ANKRD10: variants seen among roughly 807,000 people sequenced by gnomAD.
ANKRD10 encodes the protein ankyrin repeat domain-containing protein 10.
A neutral mutation model predicts 27.0 loss-of-function variants in ANKRD10; 14 were observed. That is an observed-to-expected ratio of 0.52 (90% CI 0.34 to 0.81). The LOEUF (loss-of-function observed/expected upper bound fraction) is 0.81, where lower values mean the gene tolerates loss of function less well. ANKRD10 is among the 40% of genes least tolerant of loss of function. The probability of loss-of-function intolerance (pLI) is 0.01; values close to 1 mark genes in which losing one functional copy is unlikely to be tolerated. For synonymous variants in ANKRD10, 250 were observed against 224.5 expected (o/e 1.11, Z -1.01); for missense variants, 493 against 544.0 (o/e 0.91, Z 0.93).
At chr13:110,895,795 A>T (rs2065210867) in intron 3 of ANKRD10, among the ~76,000 whole-genome samples, 1 of 152,126 alleles carries the variant, frequency 6.6e-6, no homozygotes, top group Non-Finnish European at 1.5e-5. Context: ...ATAATCAACA[A>T]AATAGTGCCA....
At chr13:110,908,720 G>A (rs892716672) in intron 2 of ANKRD10, among the ~76,000 whole-genome samples, 3 of 152,276 alleles carry the variant, frequency 2.0e-5, no homozygotes, top group Non-Finnish European at 4.4e-5. Flanking sequence ...GAGTCACTGG[G>A]TGCCCATAAC....
At chr13:110,909,408 T>C (rs2065630019) in intron 2 of ANKRD10, among the ~76,000 whole-genome samples, 1 of 152,058 alleles carries the variant, frequency 6.6e-6, no homozygotes, top group Admixed American at 6.5e-5. Context: ...ATAAGGGTAT[T>C]GAGTAGGTAA....
intron 4 of ANKRD10, among the ~76,000 whole-genome samples, chr13:110,889,518 A>C (rs1256957703): frequency 6.6e-6 from 1 of 152,208 alleles, no homozygotes; most frequent in African/African-American, 2.4e-5. Context: ...CTTCCTTCCA[A>C]GACAGTTAAT....
intron 3 of ANKRD10, among the ~76,000 whole-genome samples, chr13:110,896,616 CT>C (rs1346184259): frequency 3.9e-5 from 6 of 152,164 alleles, no homozygotes; most frequent in African/African-American, 1.4e-4. Flanking sequence ...CCAGAAGGCA[CT>C]TTTCTAAAAA....
chr13:110,889,622 T>C (rs2065023591), intron 4 of ANKRD10, among the ~76,000 whole-genome samples: 1 of 152,234 alleles, frequency 6.6e-6, no homozygotes, highest in African/African-American at 2.4e-5. Context: ...TTTAAAATAC[T>C]TGAAAGTAGT....
At chr13:110,910,383 T>C (rs553640060) in intron 2 of ANKRD10, among the ~76,000 whole-genome samples, 12 of 152,292 alleles carry the variant, frequency 7.9e-5, no homozygotes, top group Non-Finnish European at 1.5e-5. Context: ...CTTGGGCACA[T>C]CACCCTGGAT....
chr13:110,896,032 G>A (rs114950207), intron 3 of ANKRD10, among the ~76,000 whole-genome samples: 3,255 of 152,260 alleles, frequency 0.021, 125 homozygotes, highest in African/African-American at 0.075. Flanking sequence ...CTATGTACTC[G>A]TACGTAAGGA....
At chr13:110,884,302 CA>C (rs1425360872) in intron 4 of ANKRD10, among the ~76,000 whole-genome samples, 1 of 152,170 alleles carries the variant, frequency 6.6e-6, no homozygotes, top group Non-Finnish European at 1.5e-5. Context: ...CACCAAAATA[CA>C]GTAAAATAAT....
At chr13:110,907,595 A>G (rs139475420) in intron 2 of ANKRD10, among the ~76,000 whole-genome samples, 16 of 152,338 alleles carry the variant, frequency 1.1e-4, no homozygotes, top group Non-Finnish European at 2.2e-4. Flanking sequence ...AAGTGTGCAC[A>G]TTTATTTAAA....
In ANKRD10 at chr13:110,909,446, A is replaced by C. The variant is rs2065631403; in HGVS notation, c.363+1172T>G. On this transcript the variant is annotated intron_variant, in intron 2 of 5. Transcript: ENST00000267339. Reference sequence around the variant, plus strand: ...CATAACTCTCGAATTTATGAAGACAAGCAACAGAGCAGCAGAGAAATATAC... The same window carrying C: ...CATAACTCTCGAATTTATGAAGACACGCAACAGAGCAGCAGAGAAATATAC... Among the ~76,000 whole-genome samples the C allele has an allele frequency of 2.0e-5, 3 of 152,210 alleles. No homozygotes were observed. In the South Asian group the frequency reaches 6.2e-4, roughly 32 times the overall value.
Position 110,879,249 on chromosome 13 carries a change from AATG to A in ANKRD10, c.*385_*387del, listed in dbSNP as rs1234396175. ...AAAAGAGTGGAAGCAAGCTTTTTAA[AATG>A]ATGCCCATGTGCAAAGAGATAAATT... On this transcript the variant is annotated 3_prime_UTR_variant, in exon 6 of 6. Coordinates refer to ENST00000267339, the MANE Select transcript of ANKRD10 (RefSeq NM_017664.4). 4.9e-6 allele frequency: 1 copy of A among 203,078 alleles called. No individual in the cohort carries two copies. Among genetic ancestry groups the A allele is most frequent in the Non-Finnish European group, 1.0e-5 (1 of 97,794 alleles). 12.6% of individuals were successfully genotyped at this position (203,078 alleles called of 1,614,324 possible).
At chr13:110,905,301 A>G (rs998979331) in intron 3 of ANKRD10, 21 of 152,324 alleles carry the variant, frequency 1.4e-4, no homozygotes, top group African/African-American at 5.1e-4. Context: ...TGTAACAACT[A>G]AAATAAATGT....
intron 5 of ANKRD10, among the ~76,000 whole-genome samples, chr13:110,881,471 T>A (rs529878110): frequency 7.2e-5 from 11 of 152,352 alleles, no homozygotes; most frequent in African/African-American, 2.6e-4. Context: ...CATCCTTTTT[T>A]TTTATATTTA....
At chr13:110,911,017 G>T (rs1430942645) in intron 1 of ANKRD10, among the ~76,000 whole-genome samples, 2 of 152,154 alleles carry the variant, frequency 1.3e-5, no homozygotes, top group Non-Finnish European at 2.9e-5. Flanking sequence ...ACACTATACA[G>T]ATTTAAATAT....
rs1425425490 is a variant in ANKRD10 at position 110,910,774 on chromosome 13, C to T, written c.211-4G>A. On this transcript the variant is annotated splice_polypyrimidine_tract_variant and splice_region_variant and intron_variant, in intron 1 of 5. Coordinates refer to ENST00000267339, the MANE Select transcript of ANKRD10 (RefSeq NM_017664.4). ...CCAACTGCACTAAGCACTCCAACTT[C>T]GAAAACAAGAGGGGTAATGAAAACA... The T allele has an allele frequency of 3.1e-6, 5 of 1,611,812 alleles. No homozygotes were observed. Among genetic ancestry groups the T allele is most frequent in the East Asian group, 2.2e-5 (1 of 44,842 alleles).
At chr13:110,893,599 CTTAATT>C (rs1389677160) in intron 3 of ANKRD10, among the ~76,000 whole-genome samples, 5 of 152,226 alleles carry the variant, frequency 3.3e-5, no homozygotes, top group Admixed American at 6.5e-5. Flanking sequence ...ATTATATGCA[CTTAATT>C]TTAATACCCA....
chr13:110,889,789 A>G (rs2065027900), intron 4 of ANKRD10, among the ~76,000 whole-genome samples: 1 of 152,212 alleles, frequency 6.6e-6, no homozygotes, highest in Non-Finnish European at 1.5e-5. Flanking sequence ...TCTGGAAGTA[A>G]TTACTTTTGT....
intron 3 of ANKRD10, among the ~76,000 whole-genome samples, chr13:110,902,049 GA>G (rs10656736): frequency 0.19 from 22,149 of 114,702 alleles, 1,965 homozygotes; most frequent in African/African-American, 0.32. Context: ...TCTCTTTTTA[GA>G]AAAAAAAAAA....
chr13:110,899,753 A>G (rs1392259639), intron 3 of ANKRD10, among the ~76,000 whole-genome samples: 1 of 152,160 alleles, frequency 6.6e-6, no homozygotes, highest in Non-Finnish European at 1.5e-5. Context: ...CTATTCTTTC[A>G]AAACAGGAAT....
Sources: gnomAD v4.1 joint callset for allele counts (sites outside exome capture counted in the v4.1 genomes callset) on GRCh38, gnomAD v4.1.1 for gene constraint, MANE v1.5 for transcripts, NCBI Gene and HGNC (gene_info 2026-07-23, HGNC 2026-07-21) for gene names.